The following ERMP1 variants were observed in gnomAD, a reference collection of about 807,000 sequenced individuals.
ERMP1 encodes endoplasmic reticulum metallopeptidase 1.
In ERMP1, 86 loss-of-function variants were observed where a neutral mutation model predicts 92.0. The observed-to-expected ratio is 0.93, with a 90% CI of 0.79 to 1.12. ERMP1 has a LOEUF of 1.12. Ranked by LOEUF, ERMP1 falls within the 50% of genes most tolerant of loss-of-function variation. ERMP1 has a pLI of 0.00. For synonymous variants in ERMP1, 530 were observed against 412.8 expected, an observed-to-expected ratio of 1.28 and a Z score of -3.44; for missense variants, 1,342 against 1,116.3, an observed-to-expected ratio of 1.20 and a Z score of -2.88.
chr9:5,840,579 T>C (rs994159019), intron 6 of ERMP1, among the ~76,000 whole-genome samples: 16 of 152,114 alleles, frequency 1.1e-4, no homozygotes, highest in Admixed American at 3.9e-4. Context: ...CCACACCACA[T>C]TGGAAAATAG....
chr9:5,803,521 TC>T (rs1828752589), intron 10 of ERMP1, among the ~76,000 whole-genome samples: 1 of 152,146 alleles, frequency 6.6e-6, no homozygotes, highest in East Asian at 1.9e-4. Flanking sequence ...AATTTAAATG[TC>T]CCCTATCTGA....
At chr9:5,846,766 G>C (rs1830239357) in intron 6 of ERMP1, among the ~76,000 whole-genome samples, 1 of 152,170 alleles carries the variant, frequency 6.6e-6, no homozygotes, top group Non-Finnish European at 1.5e-5. Flanking sequence ...TTATGGGGTG[G>C]TTATTCCTTT....
chr9:5,802,901 G>A (rs767142487), intron 10 of ERMP1, among the ~76,000 whole-genome samples: 1 of 152,034 alleles, frequency 6.6e-6, no homozygotes, highest in Non-Finnish European at 1.5e-5. Flanking sequence ...TCAGAACCTA[G>A]AGTGACACAG....
chr9:5,792,070 G>GTT (rs1288656976), intron 13 of ERMP1, among the ~76,000 whole-genome samples: 1 of 152,128 alleles, frequency 6.6e-6, no homozygotes, highest in Non-Finnish European at 1.5e-5. Context: ...ACCAAGAAGA[G>GTT]TATCACTCAT....
upstream of ERMP1, among the ~76,000 whole-genome samples, chr9:5,833,884 G>C (rs527802223): frequency 2.0e-5 from 3 of 152,260 alleles, no homozygotes; most frequent in East Asian, 5.8e-4. Flanking sequence ...GCAGAGCCTT[G>C]GTTTCAGTGC....
At chr9:5,803,287 G>A (rs1828743997) in intron 10 of ERMP1, among the ~76,000 whole-genome samples, 1 of 152,070 alleles carries the variant, frequency 6.6e-6, no homozygotes. Flanking sequence ...AGTGCGGCAG[G>A]GCTATTTCAC....
At chr9:5,828,358 T>C (rs1829808143) in intron 2 of ERMP1, among the ~76,000 whole-genome samples, 2 of 152,188 alleles carry the variant, frequency 1.3e-5, no homozygotes, top group Non-Finnish European at 2.9e-5. Flanking sequence ...CCTCCCCTTG[T>C]TTGCCTAAAA....
intron 10 of ERMP1, among the ~76,000 whole-genome samples, chr9:5,803,920 C>T (rs1828770036): frequency 6.6e-6 from 1 of 152,064 alleles, no homozygotes; most frequent in African/African-American, 2.4e-5. Context: ...CAATAATATG[C>T]ATAAGAATTA....
chr9:5,798,855 C>T lies in ERMP1; in HGVS notation c.2221G>A (p.Ala741Thr). 1 of 1,613,872 alleles carries T rather than the reference C, an allele frequency of 6.2e-7. No individual in the cohort carries two copies. The highest frequency in any genetic ancestry group is 8.5e-7 in the Non-Finnish European group (1 of 1,179,880). Reference protein sequence around the residue: ...DSIRAHCEENAPLCGFPWYLP... With the variant: ...DSIRAHCEENTPLCGFPWYLP... ...TACCAAGGAAAACCACAAAGAGGTGCATTCTCCTCACAGTGAGCTCGGATA... is the reference window on the plus strand; with the variant it reads ...TACCAAGGAAAACCACAAAGAGGTGTATTCTCCTCACAGTGAGCTCGGATA... Residue 741 changes from alanine to threonine, a missense_variant, in exon 12 of 15, where the codon GCA becomes ACA. Physicochemically the swap from Ala to Thr is moderately conservative, Grantham distance 58. Transcript: ENST00000339450.
rs973454895 is a variant in ERMP1 at position 5,805,128 on chromosome 9, T to A, written c.1813A>T (p.Met605Leu). The A allele has an allele frequency of 6.2e-7, 1 of 1,612,876 alleles. No homozygotes were observed. Among genetic ancestry groups the A allele is most frequent in the Admixed American group, 1.7e-5 (1 of 59,870 alleles). ...ALYLIWAVFE[M>L]FTPILGRSGS... ...CTTCTCCCGAGGATAGGGGTAAACA[T>A]CTCAAATACTGCCCAGATGAGGTAC... The change falls in exon 10 of 15, where the codon ATG (methionine) becomes TTG (leucine). Residue 605 changes from methionine (M) to leucine (L), a missense_variant. By Grantham distance (15) the Met-to-Leu change is conservative (BLOSUM62 2). Coordinates refer to ENST00000339450, the MANE Select transcript of ERMP1 (RefSeq NM_024896.3).
At chr9:5,804,221 A>G (rs181120167) in intron 10 of ERMP1, among the ~76,000 whole-genome samples, 194 of 152,218 alleles carry the variant, frequency 1.3e-3, no homozygotes, top group African/African-American at 4.6e-3. Context: ...ATTACTTTTT[A>G]TTCTTAGGAA....
intron 4 of ERMP1, among the ~76,000 whole-genome samples, chr9:5,823,635 T>G (rs1226042094): frequency 6.6e-6 from 1 of 152,206 alleles, no homozygotes; most frequent in African/African-American, 2.4e-5. Flanking sequence ...TTATCTTACA[T>G]GTTGTTTGGA....
intron 6 of ERMP1, among the ~76,000 whole-genome samples, chr9:5,843,979 C>A (rs1295598063): frequency 1.3e-5 from 2 of 152,118 alleles, no homozygotes; most frequent in African/African-American, 4.8e-5. Flanking sequence ...CACTCCTCCA[C>A]CCCCTGGCCA....
At chr9:5,818,329 G>A (rs1357226328) in intron 4 of ERMP1, among the ~76,000 whole-genome samples, 2 of 152,122 alleles carry the variant, frequency 1.3e-5, no homozygotes, top group Non-Finnish European at 2.9e-5. Context: ...TGATCCTATA[G>A]AGAGAGAAAA....
At chr9:5,837,624 G>C (rs1455387517), upstream of ERMP1, among the ~76,000 whole-genome samples, 2 of 152,142 alleles carry the variant, frequency 1.3e-5, no homozygotes, top group Admixed American at 6.5e-5. Context: ...TTTTCAAAAA[G>C]GGGATAATAT....
chr9:5,854,494 C>A (rs892022899), intron 6 of ERMP1, among the ~76,000 whole-genome samples: 3 of 152,072 alleles, frequency 2.0e-5, no homozygotes, highest in African/African-American at 7.2e-5. Context: ...CTGTCTTGAA[C>A]AAAAAGTTTA....
chr9:5,827,883 C>T (rs1399065369), intron 2 of ERMP1, among the ~76,000 whole-genome samples: 1 of 151,954 alleles, frequency 6.6e-6, no homozygotes, highest in South Asian at 2.1e-4. Context: ...GAGGCTGAGG[C>T]AAGAGAATGG....
intron 5 of ERMP1, among the ~76,000 whole-genome samples, chr9:5,863,752 C>T (rs1188965206): frequency 6.6e-6 from 1 of 152,188 alleles, no homozygotes; most frequent in Non-Finnish European, 1.5e-5. Context: ...ATGTATTCAT[C>T]ATCAAAACTT....
Position 5,787,460 on chromosome 9 carries a change from G to A in ERMP1, c.2520C>T (p.Ala840=). ...YFVFYSHGLQ[A]SAWQFWIEVQ... is the part of the protein sequence containing the mutation. ...CTTCTATCCAGAACTGCCATGCAGA[G>A]GCCTGGAGTCCATGGGAGTAAAAGA... Residue 840 remains alanine, a synonymous_variant, in exon 14 of 15, where the codon GCC becomes GCT. Transcript: ENST00000339450. 1.9e-6 allele frequency: 3 copies of A among 1,614,038 alleles called. No individual in the cohort carries two copies. The highest frequency in any genetic ancestry group is 8.5e-7 in the Non-Finnish European group (1 of 1,179,982).
Sources: allele counts gnomAD v4.1 joint callset (sites outside exome capture counted in the v4.1 genomes callset), GRCh38; gene constraint gnomAD v4.1.1; transcripts MANE v1.5; gene names NCBI Gene and HGNC (gene_info 2026-07-23, HGNC 2026-07-21).